The following NXPE2 variants were observed in gnomAD, a reference collection of about 807,000 sequenced individuals.
The protein encoded by NXPE2 is NXPE family member 2.
NXPE2 carries 34 observed loss-of-function variants against 34.4 expected under a neutral mutation model. That is an observed-to-expected ratio of 0.99 (90% CI 0.75 to 1.31). The LOEUF is 1.31. NXPE2 is among the 40% of genes most tolerant of loss of function. The probability of loss-of-function intolerance (pLI) is 0.00; values close to 1 mark genes in which losing one functional copy is unlikely to be tolerated. For synonymous variants in NXPE2, 235 were observed against 231.3 expected (o/e 1.02, Z -0.15); for missense variants, 649 against 672.5 (o/e 0.97, Z 0.39).
the NXPE2 span, among the ~76,000 whole-genome samples, chr11:114,543,556 G>A: frequency 2.6e-5 from 4 of 151,748 alleles, no homozygotes; most frequent in East Asian, 1.9e-4. Context: ...GGTTAACAAA[G>A]CCAAATCACT....
chr11:114,763,895 T>G, the NXPE2 span, among the ~76,000 whole-genome samples: 806 of 152,350 alleles, frequency 5.3e-3, 3 homozygotes, highest in Middle Eastern at 0.014. Flanking sequence ...ATCATATTTC[T>G]AATTTTTCTT....
At chr11:114,479,011 A>C in the NXPE2 span, among the ~76,000 whole-genome samples, 1 of 152,200 alleles carries the variant, frequency 6.6e-6, no homozygotes, top group Non-Finnish European at 1.5e-5. Context: ...TGCCATCTAT[A>C]GGATAATATT....
At chr11:114,654,716 A>G in the NXPE2 span, among the ~76,000 whole-genome samples, 1 of 152,148 alleles carries the variant, frequency 6.6e-6, no homozygotes, top group Non-Finnish European at 1.5e-5. Context: ...TATCCAATCT[A>G]TCACTGATGG....
chr11:114,568,823 CT>C, the NXPE2 span, among the ~76,000 whole-genome samples: 13 of 152,148 alleles, frequency 8.5e-5, no homozygotes, highest in Non-Finnish European at 1.8e-4. Context: ...GTTCATATGA[CT>C]TTATCATGAA....
the NXPE2 span, among the ~76,000 whole-genome samples, chr11:114,660,079 C>T: frequency 6.6e-6 from 1 of 152,018 alleles, no homozygotes; most frequent in Non-Finnish European, 1.5e-5. Context: ...CACAAACTAC[C>T]AACATTCACT....
chr11:114,651,368 G>C, the NXPE2 span, among the ~76,000 whole-genome samples: 1 of 152,060 alleles, frequency 6.6e-6, no homozygotes, highest in Non-Finnish European at 1.5e-5. Flanking sequence ...GTTCCTCCTG[G>C]TGGGTTCGTG....
At chr11:114,675,570 C>A (rs7950081), upstream of NXPE2, among the ~76,000 whole-genome samples, 286 of 151,672 alleles carry the variant, frequency 1.9e-3, 2 homozygotes, top group African/African-American at 5.5e-3. Flanking sequence ...ATAAAAAAAA[C>A]CCTTAGGAAT....
chr11:114,807,618 G>A, the NXPE2 span, among the ~76,000 whole-genome samples: 2 of 151,212 alleles, frequency 1.3e-5, no homozygotes, highest in African/African-American at 2.4e-5. Context: ...ATGGTAAAGG[G>A]ATCAATTCAA....
the NXPE2 span, among the ~76,000 whole-genome samples, chr11:114,781,988 C>T: frequency 0.15 from 22,541 of 152,112 alleles, 1,719 homozygotes; most frequent in Admixed American, 0.2. Context: ...CCTCGGTATC[C>T]GTGGTGGATT....
chr11:114,771,900 A>C, the NXPE2 span, among the ~76,000 whole-genome samples: 1 of 152,196 alleles, frequency 6.6e-6, no homozygotes, highest in Non-Finnish European at 1.5e-5. Flanking sequence ...AATCCCTCCA[A>C]ATTAAAGCAC....
chr11:114,610,346 A>T, the NXPE2 span, among the ~76,000 whole-genome samples: 7,416 of 149,964 alleles, frequency 0.049, 610 homozygotes, highest in African/African-American at 0.17. Context: ...TGGCCTCATG[A>T]GTAACCACTG....
chr11:114,685,361 G>A (rs898190933), intron 2 of NXPE2, among the ~76,000 whole-genome samples: 32 of 152,146 alleles, frequency 2.1e-4, no homozygotes, highest in African/African-American at 7.5e-4. Flanking sequence ...CCTTGTTCAT[G>A]GATGGGTATC....
chr11:114,597,047 C>G, the NXPE2 span, among the ~76,000 whole-genome samples: 65,255 of 151,850 alleles, frequency 0.43, 15,199 homozygotes, highest in African/African-American at 0.61. Flanking sequence ...AGAATGAAAA[C>G]TAGGAAGTTG....
the NXPE2 span, among the ~76,000 whole-genome samples, chr11:114,626,435 G>A: frequency 4.6e-5 from 7 of 152,250 alleles, no homozygotes; most frequent in African/African-American, 1.4e-4. Flanking sequence ...TCACGTGGCC[G>A]GGTACTCCAA....
chr11:114,524,705 G>A, the NXPE2 span, among the ~76,000 whole-genome samples: 1 of 152,122 alleles, frequency 6.6e-6, no homozygotes, highest in Non-Finnish European at 1.5e-5. Context: ...TGAGAACATA[G>A]CCTTTAAGTG....
the NXPE2 span, among the ~76,000 whole-genome samples, chr11:114,639,151 C>A: frequency 1.3e-5 from 2 of 152,054 alleles, no homozygotes; most frequent in African/African-American, 4.8e-5. Context: ...CTTTGTTTAC[C>A]TAAGCAAGCC....
chr11:114,570,328 A>G, the NXPE2 span, among the ~76,000 whole-genome samples: 9 of 152,182 alleles, frequency 5.9e-5, no homozygotes, highest in African/African-American at 2.2e-4. Flanking sequence ...CAACAAGACT[A>G]AAGACAAACT....
At chr11:114,528,318 A>G in the NXPE2 span, among the ~76,000 whole-genome samples, 3 of 152,300 alleles carry the variant, frequency 2.0e-5, no homozygotes, top group African/African-American at 7.2e-5. Flanking sequence ...CGACTGCCAG[A>G]GCACCCTTTC....
At chr11:114,534,294 T>A in the NXPE2 span, among the ~76,000 whole-genome samples, 1 of 151,906 alleles carries the variant, frequency 6.6e-6, no homozygotes, top group South Asian at 2.1e-4. Context: ...TACATAACCA[T>A]CATCAAAGAC....
Sources: gnomAD v4.1 joint callset for allele counts (sites outside exome capture counted in the v4.1 genomes callset) on GRCh38, gnomAD v4.1.1 for gene constraint, MANE v1.5 for transcripts, NCBI Gene and HGNC (gene_info 2026-07-23, HGNC 2026-07-21) for gene names.